Variants in PTPRC observed in about 807,000 individuals in gnomAD.
The protein encoded by PTPRC is protein tyrosine phosphatase receptor type C.
A neutral mutation model predicts 155.9 loss-of-function variants in PTPRC; 44 were observed. That is an observed-to-expected ratio of 0.28 (90% CI 0.22 to 0.36). PTPRC has a LOEUF of 0.36. Ranked by LOEUF, PTPRC falls within the 10% of genes least tolerant of loss-of-function variation. The pLI is 1.00. For missense variants in PTPRC, 1,401 were observed against 1,564.6 expected (o/e 0.90, Z 1.76); for synonymous variants, 525 against 533.1 (o/e 0.98, Z 0.21).
chr1:198,709,163 A>C (rs916841471), intron 10 of PTPRC, among the ~76,000 whole-genome samples: 5 of 152,218 alleles, frequency 3.3e-5, no homozygotes, highest in African/African-American at 9.6e-5. Context: ...CCCTAATCTG[A>C]AAATCCAGAA....
rs1289559543 is a variant in PTPRC, at chr1:198,702,453, C to T, written c.506C>T (p.Thr169Ile). 25 of 1,614,186 alleles carry T rather than the reference C, an allele frequency of 1.5e-5. No homozygotes were observed. The highest frequency in any genetic ancestry group is 6.7e-5 in the East Asian group (3 of 44,882). Reference sequence around the variant, plus strand: ...GACCCAGTTTCCCCATTGACAACCACCCTCAGCCTTGCACACCACAGCTCT... The same window carrying T: ...GACCCAGTTTCCCCATTGACAACCATCCTCAGCCTTGCACACCACAGCTCT... ...PTDPVSPLTT[T>I]LSLAHHSSAA... Residue 169 changes from threonine (T) to isoleucine (I), a missense_variant, in exon 6 of 33, where the codon ACC (threonine) becomes ATC (isoleucine). By Grantham distance (89) the Thr-to-Ile change is moderately conservative. This residue lies in a region of PTPRC where 867 missense variants were observed against 970.4 expected (regional missense o/e 0.89). Coordinates refer to ENST00000442510, the MANE Select transcript of PTPRC (RefSeq NM_002838.5).
At chr1:198,663,784 C>T (rs986812295) in intron 2 of PTPRC, among the ~76,000 whole-genome samples, 1 of 152,060 alleles carries the variant, frequency 6.6e-6, no homozygotes. Flanking sequence ...GAGTGCATAC[C>T]TCACAGGTAC....
At chr1:198,643,100 A>G (rs1238394990) in intron 2 of PTPRC, among the ~76,000 whole-genome samples, 12 of 151,656 alleles carry the variant, frequency 7.9e-5, no homozygotes, top group Admixed American at 7.3e-4. Flanking sequence ...ATGTTCTCTT[A>G]TGTCACTTTT....
intron 2 of PTPRC, among the ~76,000 whole-genome samples, chr1:198,654,049 T>C (rs1281016685): frequency 1.3e-5 from 2 of 151,882 alleles, no homozygotes; most frequent in African/African-American, 2.4e-5. Flanking sequence ...ATGCCTCATG[T>C]TTGTTAATAA....
intron 2 of PTPRC, among the ~76,000 whole-genome samples, chr1:198,664,749 C>T (rs1664181750): frequency 6.6e-6 from 1 of 152,098 alleles, no homozygotes; most frequent in Admixed American, 6.6e-5. Flanking sequence ...ATCTCCTCTC[C>T]GAGGTCCCTT....
In PTPRC at chr1:198,757,168, C is replaced by T. The variant is rs1655722535; in HGVS notation, c.*987C>T. ...CATAGTTCCCATGTTAAATCCCATT[C>T]ATAACTTTCATTAAAGCATTTACTT... On this transcript the variant is annotated 3_prime_UTR_variant, in exon 33 of 33. Transcript: ENST00000442510. 1 of 151,662 alleles carries T rather than the reference C, an allele frequency of 6.6e-6. No individual in the cohort carries two copies. The highest frequency in any genetic ancestry group is 2.4e-5 in the African/African-American group (1 of 41,376). 9.4% of individuals were successfully genotyped at this position (151,662 alleles called of 1,614,324 possible). A position where few individuals can be genotyped will look rare whatever the true frequency, so the allele number is the denominator to read the frequency against.
intron 17 of PTPRC, among the ~76,000 whole-genome samples, chr1:198,729,448 G>T (rs1199781089): frequency 6.6e-6 from 1 of 152,072 alleles, no homozygotes; most frequent in African/African-American, 2.4e-5. Context: ...TCACCATGCT[G>T]CCCAAGCTGG....
intron 25 of PTPRC, among the ~76,000 whole-genome samples, chr1:198,743,791 G>A (rs1655019797): frequency 1.3e-5 from 2 of 151,778 alleles, no homozygotes; most frequent in African/African-American, 4.8e-5. Flanking sequence ...AGGAATAAAA[G>A]TTGTGCAATA....
At chr1:198,656,855 C>T (rs1299257013) in intron 2 of PTPRC, among the ~76,000 whole-genome samples, 1 of 151,536 alleles carries the variant, frequency 6.6e-6, no homozygotes, top group Non-Finnish European at 1.5e-5. Flanking sequence ...GCAGCCACAT[C>T]CTGTGACTAG....
At chr1:198,694,161 G>A in intron 3 of PTPRC, 2 of 1,504,590 alleles carry the variant, frequency 1.3e-6, no homozygotes, top group South Asian at 1.3e-5. Flanking sequence ...GAGTCCAAAA[G>A]CTGAGGAACT....
At chr1:198,727,025 A>C (rs1654170026) in intron 15 of PTPRC, among the ~76,000 whole-genome samples, 1 of 151,728 alleles carries the variant, frequency 6.6e-6, no homozygotes, top group South Asian at 2.1e-4. Flanking sequence ...ATGCCTGGCT[A>C]ATTTTTTGTA....
At chr1:198,657,573 T>C (rs574293904) in intron 2 of PTPRC, 4 of 152,320 alleles carry the variant, frequency 2.6e-5, no homozygotes, top group Admixed American at 2.6e-4. Flanking sequence ...TCATTTTACT[T>C]CTCTTGCTGC....
At position 198,713,045 on chromosome 1, in the gene PTPRC, T is replaced by C; in HGVS notation, c.1264T>C (p.Phe422Leu). ...WNPPQRSFHNFTLCYIKETEK... is the reference protein window; with the variant it reads ...WNPPQRSFHNLTLCYIKETEK... The stretch of plus-strand genomic sequence containing the variant: ...TCCCCCTCAAAGATCATTTCATAAT[T>C]TTACCCTCTGTTATATAAAAGAGAC... The change falls in exon 12 of 33, where the codon TTT (phenylalanine) becomes CTT (leucine). Residue 422 changes from phenylalanine (F) to leucine (L), a missense_variant. Transcript: ENST00000442510. The C allele has an allele frequency of 6.2e-7, 1 of 1,613,816 alleles. No homozygotes were observed. Among genetic ancestry groups the C allele is most frequent in the Non-Finnish European group, 8.5e-7 (1 of 1,179,778 alleles).
In PTPRC at chr1:198,708,099, A is replaced by C. The variant is rs769436220; in HGVS notation, c.905-34A>C. On this transcript the variant is annotated intron_variant, in intron 9 of 32. Transcript: ENST00000442510. Reference sequence around the variant, plus strand: ...GGGCTTAGGATACACATTATGAAATACTAATCAAGTTTATTTCTGTATCTT... The same window carrying C: ...GGGCTTAGGATACACATTATGAAATCCTAATCAAGTTTATTTCTGTATCTT... 31 of 1,569,916 alleles carry C rather than the reference A, an allele frequency of 2.0e-5. No homozygotes were observed. The South Asian group carries it at 3.4e-4, about 17-fold the overall frequency.
intron 10 of PTPRC, among the ~76,000 whole-genome samples, chr1:198,708,909 G>T (rs1238201937): frequency 6.6e-6 from 1 of 152,226 alleles, no homozygotes; most frequent in African/African-American, 2.4e-5. Flanking sequence ...ATGTGCTCAG[G>T]TGTGCATGCG....
Position 198,639,132 on chromosome 1 carries a change from T to C in PTPRC, c.-49T>C. 2 of 741,440 alleles carry C rather than the reference T, an allele frequency of 2.7e-6. No individual in the cohort carries two copies. Among genetic ancestry groups the C allele is most frequent in the Non-Finnish European group, 4.8e-6 (2 of 413,938 alleles). The allele number at this position is 741,440 out of a possible 1,614,324, so 45.9% of individuals were successfully genotyped here. On this transcript the variant is annotated 5_prime_UTR_variant, in exon 1 of 33. Coordinates refer to ENST00000442510, the MANE Select transcript of PTPRC (RefSeq NM_002838.5). ...TGTTCCTCGTCTGATAAGACAACAGTGGAGAGTATGCATTTATTTATTTAC... is the reference window on the plus strand; with the variant it reads ...TGTTCCTCGTCTGATAAGACAACAGCGGAGAGTATGCATTTATTTATTTAC...
chr1:198,728,503 G>A (rs1388665591), intron 16 of PTPRC, 55 bp downstream of exon 16: 10 of 1,586,258 alleles, frequency 6.3e-6, no homozygotes, highest in East Asian at 4.6e-5. Flanking sequence ...TGGTGCAAAC[G>A]CATATCCATA....
intron 22 of PTPRC, 106 bp from the exon 23 acceptor site, chr1:198,735,021 A>C (rs772903061): frequency 2.6e-4 from 260 of 1,011,942 alleles, no homozygotes; most frequent in Non-Finnish European, 3.6e-4. Flanking sequence ...AACTGTTTTG[A>C]GAATTTCAAA....
chr1:198,686,345 A>G (rs2102348326), intron 2 of PTPRC, among the ~76,000 whole-genome samples: 1 of 152,290 alleles, frequency 6.6e-6, no homozygotes, highest in South Asian at 2.1e-4. Context: ...AATATTACTA[A>G]ATACTCCTTT....
Sources: gnomAD v4.1 joint callset for allele counts (sites outside exome capture counted in the v4.1 genomes callset) on GRCh38, gnomAD v4.1.1 for gene constraint, gnomAD v4.1.1 regional missense constraint, MANE v1.5 for transcripts, NCBI Gene and HGNC (gene_info 2026-07-23, HGNC 2026-07-21) for gene names.